Variants in CGN observed in about 807,000 individuals in gnomAD.
The protein encoded by CGN is cingulin.
A neutral mutation model predicts 157.1 loss-of-function variants in CGN; 121 were observed. The ratio of observed to expected loss-of-function variants is 0.77; its 90% CI spans 0.66 to 0.90. The LOEUF is 0.90. Ranked by LOEUF, CGN falls within the 40% of genes least tolerant of loss-of-function variation. The pLI is 0.00. For synonymous variants in CGN, 535 were observed against 607.5 expected, an observed-to-expected ratio of 0.88 and a Z score of 1.76; for missense variants, 1,424 against 1,520.9, an observed-to-expected ratio of 0.94 and a Z score of 1.06.
intron 5 of CGN, among the ~76,000 whole-genome samples, chr1:151,522,640 C>T (rs11204840): frequency 7.2e-6 from 1 of 138,506 alleles, no homozygotes; most frequent in Non-Finnish European, 1.5e-5. Context: ...AACAAACAAA[C>T]AAAAAAAACA....
rs570359937 is a variant in CGN, at chr1:151,526,790, A to G, written c.1764-185A>G. The stretch of plus-strand genomic sequence containing the variant: ...TGCCTGGCCCACTTCCTTTCTATCT[A>G]TGGTATGCTCTTACTCTCCCATTTC... On this transcript the variant is annotated intron_variant, in intron 9 of 20. Coordinates refer to ENST00000271636, the MANE Select transcript of CGN (RefSeq NM_020770.3). 4.6e-5 allele frequency among the ~76,000 whole-genome samples: 7 copies of G among 151,974 alleles called. No homozygotes were observed. The South Asian group carries it at 1.5e-3, about 32-fold the overall frequency.
At chr1:151,515,250 A>G (rs974857758) in intron 1 of CGN, among the ~76,000 whole-genome samples, 8 of 152,188 alleles carry the variant, frequency 5.3e-5, no homozygotes, top group South Asian at 2.1e-4. Flanking sequence ...TGATCTGCCT[A>G]TCTCAGCCTC....
At chr1:151,513,348 TGGCTCTCA>T (rs1256326201) in intron 1 of CGN, among the ~76,000 whole-genome samples, 4 of 152,206 alleles carry the variant, frequency 2.6e-5, no homozygotes, top group Non-Finnish European at 4.4e-5. Flanking sequence ...AGCTGTAGCC[TGGCTCTCA>T]GGTTTCTGCT....
In CGN at chr1:151,518,480, C is replaced by T. The variant is rs968630090; in HGVS notation, c.-14-26C>T. On this transcript the variant is annotated intron_variant, in intron 1 of 20. Transcript: ENST00000271636. ...CATAGTTTCTAGTGAAGTCTCTCAG[C>T]CTAAACTCATTTCTTCATCTTCTAG... The T allele has an allele frequency of 1.9e-6, 3 of 1,555,674 alleles. No individual in the cohort carries two copies. The South Asian group carries it at 3.6e-5, about 19-fold the overall frequency.
At chr1:151,527,808 TACACACACACACACACACAC>T (rs141985486) in intron 10 of CGN, 1 of 154,730 alleles carries the variant, frequency 6.5e-6, no homozygotes, top group Admixed American at 6.9e-5. Context: ...TTTGGTTTTA[TACACACACACACACACACAC>T]ACACACACAC....
intron 14 of CGN, among the ~76,000 whole-genome samples, chr1:151,532,801 A>G (rs1314217116): frequency 1.3e-5 from 2 of 151,836 alleles, no homozygotes; most frequent in African/African-American, 4.8e-5. Context: ...TTATATTTTC[A>G]GTAGAGACGG....
chr1:151,517,112 C>T (rs1346729690), intron 1 of CGN, among the ~76,000 whole-genome samples: 1 of 152,012 alleles, frequency 6.6e-6, no homozygotes, highest in East Asian at 2.0e-4. Flanking sequence ...GAACCAAGAT[C>T]ACGCCATTGC....
In CGN at chr1:151,518,838, C is replaced by T. The variant is rs746059831; in HGVS notation, c.319C>T (p.Gln107Ter). Residue 107 changes from glutamine (Q) to a stop codon, truncating the protein, a stop_gained, in exon 2 of 21, where the codon CAG (glutamine) becomes TAG (stop). Coordinates refer to ENST00000271636, the MANE Select transcript of CGN (RefSeq NM_020770.3). LOFTEE classifies it high-confidence loss of function. ...DLELPENPYS[Q>*]VKGFPAPSQS... ...GGAACTCCCTGAGAACCCCTACTCT[C>T]AGGTCAAGGGATTTCCTGCCCCCTC... is the stretch of plus-strand genomic sequence containing the variant. 1 of 1,614,004 alleles carries T rather than the reference C, an allele frequency of 6.2e-7. No homozygotes were observed. Among genetic ancestry groups the T allele is most frequent in the Non-Finnish European group, 8.5e-7 (1 of 1,179,944 alleles).
intron 13 of CGN, among the ~76,000 whole-genome samples, chr1:151,531,575 A>G (rs1664838084): frequency 6.6e-6 from 1 of 151,994 alleles, no homozygotes; most frequent in African/African-American, 2.4e-5. Flanking sequence ...GGATTGCTTG[A>G]GCCCAGGAGG....
At chr1:151,534,286 AATTT>A (rs1489120142) in intron 15 of CGN, 150 bp downstream of exon 15, 6 of 788,454 alleles carry the variant, frequency 7.6e-6, no homozygotes, top group Non-Finnish European at 1.2e-5. Flanking sequence ...AATGTTTAGA[AATTT>A]ATAGAGGTCA....
chr1:151,536,398 T>C (rs1664970169), intron 19 of CGN, 53 bp downstream of exon 19: 2 of 1,053,442 alleles, frequency 1.9e-6, no homozygotes, highest in East Asian at 4.7e-5. Context: ...ATATATTATA[T>C]GTTTTCCTGA....
intron 10 of CGN, 123 bp from the exon 11 acceptor site, chr1:151,529,227 A>T: frequency 1.4e-6 from 1 of 740,482 alleles, no homozygotes; most frequent in Non-Finnish European, 2.2e-6. Flanking sequence ...CTGCCAAACT[A>T]CTTTCCAAAG....
chr1:151,535,028 T>A lies in CGN; in HGVS notation c.2905-14T>A, dbSNP rs1333324280. ...CCAGCATTTGGGACAGAATTACTTG[T>A]TCTTCTGTCCTAGGAAAAAGTCTCA... On this transcript the variant is annotated splice_polypyrimidine_tract_variant and intron_variant, in intron 15 of 20. Transcript: ENST00000271636. 2.5e-6 allele frequency: 4 copies of A among 1,602,526 alleles called. No homozygotes were observed. In the East Asian group the frequency reaches 8.9e-5, roughly 36 times the overall value.
At chr1:151,526,773 C>T (rs1199681832) in intron 9 of CGN, among the ~76,000 whole-genome samples, 4 of 152,190 alleles carry the variant, frequency 2.6e-5, no homozygotes, top group Non-Finnish European at 5.9e-5. Context: ...CATGCCTGGC[C>T]CACTTCCTTT....
rs779904505 is a variant in CGN, at chr1:151,529,309, C to G, written c.1897-41C>G. The G allele has an allele frequency of 5.8e-6, 9 of 1,552,864 alleles. 1 individual carries two copies. The East Asian group carries it at 6.8e-5, about 12-fold the overall frequency. On this transcript the variant is annotated intron_variant, in intron 10 of 20. Coordinates refer to ENST00000271636, the MANE Select transcript of CGN (RefSeq NM_020770.3). ...CTTCTCCACATTCAGGTATCTTAGT[C>G]TGGCTCTGGGTGCCCCATCACCATT...
chr1:151,535,496 C>A, intron 16 of CGN, 104 bp from the exon 17 acceptor site: 1 of 909,276 alleles, frequency 1.1e-6, no homozygotes, highest in South Asian at 1.4e-5. Context: ...TTTTTGGATT[C>A]AGGGTTCAGA....
intron 20 of CGN, 27 bp from the exon 21 acceptor site, chr1:151,537,178 C>T: frequency 6.3e-7 from 1 of 1,598,292 alleles, no homozygotes; most frequent in Non-Finnish European, 8.5e-7. Context: ...TTCCCCTCCC[C>T]AACCATTATT....
At chr1:151,515,906 C>T (rs569557235) in intron 1 of CGN, among the ~76,000 whole-genome samples, 1 of 152,260 alleles carries the variant, frequency 6.6e-6, no homozygotes, top group Admixed American at 6.5e-5. Flanking sequence ...TACCTGTCTG[C>T]CTTCACAAGC....
In CGN at chr1:151,525,652, T is replaced by C. The variant is rs772781328; in HGVS notation, c.1625T>C (p.Val542Ala). The change falls in exon 9 of 21, where the codon GTG becomes GCG. Residue 542 changes from valine to alanine, a missense_variant. Around this residue, in one of 3 missense-constraint regions of CGN, gnomAD observed 1,187 missense variants for 1,217.6 expected, o/e 0.97. Transcript: ENST00000271636. ...SMQDATQDHA[V>A]LEAERQKMSA... is the part of the protein sequence containing the mutation. The stretch of plus-strand genomic sequence containing the variant: ...TCTCCCCTTCTCTAGGACCATGCAG[T>C]GCTGGAGGCCGAGAGGCAGAAGATG... 2.7e-5 allele frequency: 44 copies of C among 1,603,230 alleles called. No individual in the cohort carries two copies. Among genetic ancestry groups the C allele is most frequent in the Non-Finnish European group, 3.6e-5 (42 of 1,174,950 alleles).
Sources: gnomAD v4.1 joint callset for allele counts (sites outside exome capture counted in the v4.1 genomes callset) on GRCh38, gnomAD v4.1.1 for gene constraint, gnomAD v4.1.1 regional missense constraint, MANE v1.5 for transcripts, NCBI Gene and HGNC (gene_info 2026-07-23, HGNC 2026-07-21) for gene names.